Variants in LRRC72 observed in about 807,000 individuals in gnomAD.
LRRC72 encodes the protein leucine rich repeat containing 72.
Under a neutral mutation model 35.8 loss-of-function variants are expected in LRRC72, and 41 were observed. The ratio of observed to expected loss-of-function variants is 1.15; its 90% confidence interval spans 0.89 to 1.49. The LOEUF (loss-of-function observed/expected upper bound fraction) is 1.49. Among genes scored for constraint, LRRC72 ranks in the 40% most tolerant of loss-of-function variants. The pLI is 0.00. For missense variants in LRRC72, 389 were observed against 330.7 expected (o/e 1.18, Z -1.37); for synonymous variants, 118 against 119.2 (o/e 0.99, Z 0.07).
intron 3 of LRRC72, among the ~76,000 whole-genome samples, chr7:16,540,483 A>C (rs1782338268): frequency 6.6e-6 from 1 of 152,214 alleles, no homozygotes; most frequent in Non-Finnish European, 1.5e-5. Context: ...GAATGAGTGA[A>C]GACTTTGGGG....
In LRRC72 at chr7:16,526,893, G is replaced by A. The variant is rs373893942; in HGVS notation, c.-60G>A. Reference sequence around the variant, plus strand: ...TGTGCACCAAGCCAAGTCTCTCTTCGGTGCCACCGGCGGGCGAGGCCGGAT... The same window carrying A: ...TGTGCACCAAGCCAAGTCTCTCTTCAGTGCCACCGGCGGGCGAGGCCGGAT... On this transcript the variant is annotated 5_prime_UTR_variant, in exon 1 of 9. Transcript: ENST00000401542. 36 of 1,368,518 alleles carry A rather than the reference G, an allele frequency of 2.6e-5. No individual in the cohort carries two copies. The African/African-American group carries it at 4.0e-4, about 15-fold the overall frequency. The allele number at this position is 1,368,518 out of a possible 1,614,324, so 84.8% of individuals were successfully genotyped here. A position where few individuals can be genotyped will look rare whatever the true frequency, so the allele number is the denominator to read the frequency against.
chr7:16,547,216 G>A (rs531626277), intron 3 of LRRC72, among the ~76,000 whole-genome samples: 1 of 152,306 alleles, frequency 6.6e-6, no homozygotes, highest in South Asian at 2.1e-4. Context: ...GCCCACCCGA[G>A]AGACCCCACC....
intron 7 of LRRC72, among the ~76,000 whole-genome samples, chr7:16,572,878 T>A (rs937345722): frequency 1.3e-5 from 2 of 152,142 alleles, no homozygotes; most frequent in Non-Finnish European, 2.9e-5. Flanking sequence ...TGCTTGCAGA[T>A]GACATGATTA....
rs1782698343 is a variant in LRRC72 at position 16,559,001 on chromosome 7, T to A, written c.427+2T>A. ...GAATGCTAAATCTGAAGATCCTAAG[T>A]AACAATTTGCAATTTTATATGGCCA... On this transcript the variant is annotated splice_donor_variant, in intron 5 of 8. Coordinates refer to ENST00000401542, the MANE Select transcript of LRRC72 (RefSeq NM_001195280.2). LOFTEE classifies it high-confidence loss of function. 6.6e-7 allele frequency: 1 copy of A among 1,511,004 alleles called. No individual in the cohort carries two copies. The highest frequency in any genetic ancestry group is 8.9e-7 in the Non-Finnish European group (1 of 1,118,250). 93.6% of individuals were successfully genotyped at this position (1,511,004 alleles called of 1,614,324 possible).
intron 7 of LRRC72, among the ~76,000 whole-genome samples, chr7:16,571,591 G>A (rs1782945691): frequency 6.6e-6 from 1 of 152,192 alleles, no homozygotes; most frequent in Non-Finnish European, 1.5e-5. Context: ...AGTGCAAAGG[G>A]TTGGAGAACT....
In LRRC72 at chr7:16,532,928, A is replaced by G. The variant is rs11984149; in HGVS notation, c.164+360A>G. ...AGAAACAACGAATATAATTTTAGTT[A>G]GTATAAATATGTCCCACATAGTAGT... On this transcript the variant is annotated intron_variant, in intron 2 of 8. Transcript: ENST00000401542. The G allele has an allele frequency of 2.6e-4, 78 of 304,112 alleles. 1 individual carries two copies. Among genetic ancestry groups the G allele is most frequent in the African/African-American group, 1.5e-3 (70 of 46,258 alleles). The allele number at this position is 304,112 out of a possible 1,614,324, so 18.8% of individuals were successfully genotyped here.
intron 4 of LRRC72, among the ~76,000 whole-genome samples, chr7:16,558,430 G>A (rs1157180150): frequency 3.3e-5 from 5 of 152,130 alleles, no homozygotes; most frequent in African/African-American, 4.8e-5. Flanking sequence ...CCAACATGGT[G>A]AAACCCCCGT....
At chr7:16,531,721 T>C (rs1458343025) in intron 1 of LRRC72, among the ~76,000 whole-genome samples, 19 of 152,346 alleles carry the variant, frequency 1.2e-4, no homozygotes. Context: ...AGACTTTACT[T>C]TTTTCATATT....
chr7:16,530,927 T>G (rs1272404649), intron 1 of LRRC72, among the ~76,000 whole-genome samples: 2 of 152,100 alleles, frequency 1.3e-5, no homozygotes, highest in African/African-American at 4.8e-5. Flanking sequence ...CTGGGCACAA[T>G]GGCTCACTCC....
At chr7:16,552,360 T>C (rs1277877739) in intron 3 of LRRC72, among the ~76,000 whole-genome samples, 1 of 151,454 alleles carries the variant, frequency 6.6e-6, no homozygotes, top group Non-Finnish European at 1.5e-5. Flanking sequence ...AGTTTACCTC[T>C]GGAACACGCA....
intron 7 of LRRC72, among the ~76,000 whole-genome samples, chr7:16,570,029 C>CA (rs1347029580): frequency 8.9e-5 from 13 of 146,128 alleles, no homozygotes; most frequent in Non-Finnish European, 2.0e-4. Flanking sequence ...GATTCCTTCT[C>CA]AAAAAAGAAA....
At chr7:16,578,455 A>C (rs1414207269) in intron 7 of LRRC72, among the ~76,000 whole-genome samples, 1 of 152,210 alleles carries the variant, frequency 6.6e-6, no homozygotes, top group Non-Finnish European at 1.5e-5. Flanking sequence ...GTGCCACTGC[A>C]CTCCAGCCTG....
intron 3 of LRRC72, among the ~76,000 whole-genome samples, chr7:16,544,030 C>A (rs1782403937): frequency 6.6e-6 from 1 of 152,142 alleles, no homozygotes; most frequent in Non-Finnish European, 1.5e-5. Context: ...GGCTGCTACA[C>A]AATACAACAA....
intron 3 of LRRC72, among the ~76,000 whole-genome samples, chr7:16,549,521 A>G (rs956761933): frequency 6.6e-6 from 1 of 152,186 alleles, no homozygotes; most frequent in African/African-American, 2.4e-5. Context: ...CACTGGACAC[A>G]TCCGCTGTCA....
intron 2 of LRRC72, among the ~76,000 whole-genome samples, chr7:16,536,323 A>C (rs1026399888): frequency 2.0e-5 from 3 of 152,152 alleles, no homozygotes; most frequent in Admixed American, 6.5e-5. Context: ...AACAGGGAAA[A>C]ATTTGAACAT....
intron 7 of LRRC72, among the ~76,000 whole-genome samples, chr7:16,569,370 G>A (rs924098139): frequency 2.6e-5 from 4 of 151,962 alleles, no homozygotes; most frequent in African/African-American, 9.7e-5. Flanking sequence ...AGGTTGCAGT[G>A]AGCCATTGCA....
Position 16,580,061 on chromosome 7 carries a change from AT to A in LRRC72, c.671-3del, listed in dbSNP as rs747658753. 4,382 of 390,910 alleles carry A rather than the reference AT, an allele frequency of 0.011. No individual in the cohort carries two copies. The highest frequency in any genetic ancestry group is 0.019 in the South Asian group (750 of 38,848). 24.2% of individuals were successfully genotyped at this position (390,910 alleles called of 1,614,324 possible). On this transcript the variant is annotated splice_polypyrimidine_tract_variant and intron_variant, in intron 7 of 8. Transcript: ENST00000401542. ...TTTTAAAATACTAACTTTAAAATGT[AT>A]TTTTTTTTTAGATTTTGCATTTGCA...
At chr7:16,567,831 G>A (rs752946725) in intron 7 of LRRC72, among the ~76,000 whole-genome samples, 24 of 151,942 alleles carry the variant, frequency 1.6e-4, no homozygotes, top group Non-Finnish European at 3.2e-4. Flanking sequence ...AGTATAAAGG[G>A]CTCAATAAAT....
At chr7:16,579,938 T>C (rs1225598632) in intron 7 of LRRC72, 136 bp from the exon 8 acceptor site, 1 of 194,500 alleles carries the variant, frequency 5.1e-6, no homozygotes, top group Non-Finnish European at 1.1e-5. Flanking sequence ...TTTGACAGAT[T>C]GAACTATTTG....
Sources: allele counts gnomAD v4.1 joint callset (sites outside exome capture counted in the v4.1 genomes callset), GRCh38; gene constraint gnomAD v4.1.1; transcripts MANE v1.5; gene names NCBI Gene and HGNC (gene_info 2026-07-23, HGNC 2026-07-21).